Variants in RYR1 observed in about 807,000 individuals in gnomAD.
RYR1 encodes central core disease of muscle.
RYR1 carries 342 observed loss-of-function variants against 583.5 expected under a neutral mutation model. That is an observed-to-expected ratio of 0.59 (90% CI 0.54 to 0.64). RYR1 has a LOEUF of 0.64. Among genes scored for constraint, RYR1 ranks in the 30% least tolerant of loss-of-function variants. The pLI is 0.00. For missense variants in RYR1, 6,032 were observed against 6,917.2 expected (o/e 0.87, Z 4.54); for synonymous variants, 2,791 against 2,822.5 (o/e 0.99, Z 0.35).
intron 27 of RYR1, among the ~76,000 whole-genome samples, chr19:38,473,013 C>T (rs1301569239): frequency 7.2e-6 from 1 of 138,492 alleles, no homozygotes; most frequent in African/African-American, 3.0e-5. Flanking sequence ...AAGACTGTGT[C>T]TCAAAAAAAA....
At chr19:38,473,053 G>A (rs1043696903) in intron 27 of RYR1, among the ~76,000 whole-genome samples, 12 of 151,848 alleles carry the variant, frequency 7.9e-5, no homozygotes, top group Non-Finnish European at 1.2e-4. Flanking sequence ...GAGCTGCCTG[G>A]TTACTGGTTA....
chr19:38,549,875 T>G (rs931307368), intron 89 of RYR1, among the ~76,000 whole-genome samples: 4 of 122,186 alleles, frequency 3.3e-5, no homozygotes, highest in Non-Finnish European at 6.7e-5. Context: ...CCAGCTAAAT[T>G]TGTGTGTGTG....
chr19:38,528,038 G>C, intron 73 of RYR1: 1 of 618,320 alleles, frequency 1.6e-6, no homozygotes. Flanking sequence ...GAGATGCGTT[G>C]AGTTTGTGGG....
chr19:38,517,828 C>T, intron 66 of RYR1, 137 bp downstream of exon 66: 1 of 814,624 alleles, frequency 1.2e-6, no homozygotes, highest in Non-Finnish European at 2.0e-6. Context: ...CATCAAAAGA[C>T]CAGGGGTCAG....
intron 67 of RYR1, among the ~76,000 whole-genome samples, chr19:38,522,337 C>A (rs1482625122): frequency 6.6e-6 from 1 of 152,134 alleles, no homozygotes; most frequent in Non-Finnish European, 1.5e-5. Context: ...GAAGGTGGCT[C>A]ACACCTGTAA....
In RYR1 at chr19:38,443,752, C is replaced by T. The variant is rs755938312; in HGVS notation, c.380C>T (p.Thr127Ile). 27 of 1,614,044 alleles carry T rather than the reference C, an allele frequency of 1.7e-5. No homozygotes were observed. The highest frequency in any genetic ancestry group is 2.3e-5 in the Non-Finnish European group (27 of 1,180,020). The change falls in exon 5 of 106, where the codon ACT becomes ATT. Residue 127 changes from threonine to isoleucine, a missense_variant. Physicochemically the swap from Thr to Ile is moderately conservative, Grantham distance 89 (BLOSUM62 -1). This residue lies in a region of RYR1 where 338 missense variants were observed against 441.6 expected (regional missense o/e 0.77). Transcript: ENST00000359596. ...TGCCTCACCACCTCCCGCTCCATGA[C>T]TGACAAGCTGGCCTTCGATGTGGGA... ...LSCLTTSRSM[T>I]DKLAFDVGLQ...
chr19:38,585,386 ATG>A (rs1974432371), intron 102 of RYR1, among the ~76,000 whole-genome samples: 1 of 145,926 alleles, frequency 6.9e-6, no homozygotes, highest in African/African-American at 2.5e-5. Context: ...ATATATATAT[ATG>A]TTTATTTATA....
rs1314510894 is a variant in RYR1, at chr19:38,528,591, C to T, written c.10938-8C>T. On this transcript the variant is annotated splice_region_variant and splice_polypyrimidine_tract_variant and intron_variant, in intron 74 of 105. Transcript: ENST00000359596. ...GCGTCCCAGTGACGTCACACCTCTC[C>T]CCTGCAGGCACCGGGCATGTAACAT... The T allele has an allele frequency of 3.7e-6, 6 of 1,613,926 alleles. No individual in the cohort carries two copies. The highest frequency in any genetic ancestry group is 4.5e-5 in the East Asian group (2 of 44,890).
Position 38,494,483 on chromosome 19 carries a change from C to T in RYR1, c.6406C>T (p.Arg2136Cys), listed in dbSNP as rs886043937. 3.1e-6 allele frequency: 5 copies of T among 1,613,086 alleles called. No individual in the cohort carries two copies. The highest frequency in any genetic ancestry group is 2.2e-5 in the South Asian group (2 of 91,046). ...RQYDGLGELLRALPRAYTISP... is the reference protein window; with the variant it reads ...RQYDGLGELLCALPRAYTISP... ...GTACGACGGGCTGGGTGAGCTGCTG[C>T]GTGCCCTGCCGCGGGCGTACACCAT... Residue 2136 changes from arginine (R) to cysteine (C), a missense_variant, in exon 39 of 106, where the codon CGT (arginine) becomes TGT (cysteine). Physicochemically the swap from Arg to Cys is radical, Grantham distance 180. This residue lies in a region of RYR1 where 2,627 missense variants were observed against 2,961.3 expected (regional missense o/e 0.89). Coordinates refer to ENST00000359596, the MANE Select transcript of RYR1 (RefSeq NM_000540.3).
In RYR1 at chr19:38,459,035, G is replaced by A. The variant is rs1967585180; in HGVS notation, c.2168-111G>A. 4.8e-5 allele frequency: 45 copies of A among 944,296 alleles called. 1 individual carries two copies. In the South Asian group the frequency reaches 5.5e-4, roughly 12 times the overall value. 58.5% of individuals were successfully genotyped at this position (944,296 alleles called of 1,614,324 possible). A position where few individuals can be genotyped will look rare whatever the true frequency, so the allele number is the denominator to read the frequency against. On this transcript the variant is annotated intron_variant, in intron 18 of 105. Coordinates refer to ENST00000359596, the MANE Select transcript of RYR1 (RefSeq NM_000540.3). ...ATCCAAGGGAGCACTTTCCATTAGG[G>A]TTTCCAGGATGCAATCTCCACAGGA...
chr19:38,565,805 A>T lies in RYR1; in HGVS notation c.13437+34A>T, dbSNP rs1464809267. 2.9e-6 allele frequency: 4 copies of T among 1,372,420 alleles called. No individual in the cohort carries two copies. The highest frequency in any genetic ancestry group is 5.3e-4 in the Middle Eastern group (2 of 3,744). 85.0% of individuals were successfully genotyped at this position (1,372,420 alleles called of 1,614,324 possible). Reference sequence around the variant, plus strand: ...GCAGGCGGGGTTTTGGGGTTTTGGAAAGATGGGGGATTGGAGGGAGGAAGA... The same window carrying T: ...GCAGGCGGGGTTTTGGGGTTTTGGATAGATGGGGGATTGGAGGGAGGAAGA... On this transcript the variant is annotated intron_variant, in intron 91 of 105. Transcript: ENST00000359596. The surrounding 1 kb of genome is among the most constrained non-coding windows in gnomAD (Gnocchi z 4.7).
In RYR1 at chr19:38,483,011, T is replaced by C. The variant is rs1568480750; in HGVS notation, c.4621-16T>C. 2.5e-6 allele frequency: 4 copies of C among 1,612,388 alleles called. No homozygotes were observed. Among genetic ancestry groups the C allele is most frequent in the Non-Finnish European group, 3.4e-6 (4 of 1,178,444 alleles). ...GCCCACCCGTTTGCTCACCTCGTCCTCTTCTCCTCTGCCAGGTGGAACCCA... is the reference window on the plus strand; with the variant it reads ...GCCCACCCGTTTGCTCACCTCGTCCCCTTCTCCTCTGCCAGGTGGAACCCA... On this transcript the variant is annotated splice_polypyrimidine_tract_variant and intron_variant, in intron 31 of 105. Transcript: ENST00000359596. The surrounding 1 kb of genome is among the most constrained non-coding windows in gnomAD (Gnocchi z 6.3).
intron 104 of RYR1, 138 bp from the exon 105 acceptor site, chr19:38,586,387 A>G: frequency 9.0e-7 from 1 of 1,106,884 alleles, no homozygotes; most frequent in Non-Finnish European, 1.4e-6. Context: ...TTGGGAGGCC[A>G]AGTGGGGAGG....
chr19:38,475,860 C>G (rs146359707), intron 29 of RYR1, among the ~76,000 whole-genome samples: 32 of 152,240 alleles, frequency 2.1e-4, no homozygotes, highest in Non-Finnish European at 2.9e-5. Context: ...TCCCCAAATC[C>G]AAAATATTTC....
chr19:38,522,995 C>T (rs1178884148), intron 67 of RYR1, 33 bp from the exon 68 acceptor site: 3 of 1,536,312 alleles, frequency 2.0e-6, no homozygotes, highest in Non-Finnish European at 2.6e-6. Flanking sequence ...GGGATCCCCA[C>T]CCCCTCCCTC....
chr19:38,477,707 C>T lies in RYR1; in HGVS notation c.4294-3C>T. The T allele has an allele frequency of 6.2e-7, 1 of 1,614,118 alleles. No homozygotes were observed. The highest frequency in any genetic ancestry group is 8.5e-7 in the Non-Finnish European group (1 of 1,180,022). On this transcript the variant is annotated splice_polypyrimidine_tract_variant and splice_region_variant and intron_variant, in intron 29 of 105. Transcript: ENST00000359596. ...CCACTAGTTCCCCTCCTTGTGTCACCAGTACTATTACTCCGTGAGGGTCTT... is the reference window on the plus strand; with the variant it reads ...CCACTAGTTCCCCTCCTTGTGTCACTAGTACTATTACTCCGTGAGGGTCTT...
Position 38,506,092 on chromosome 19 carries a change from G to C in RYR1, c.8541+146G>C, listed in dbSNP as rs979126629. 57 of 1,193,412 alleles carry C rather than the reference G, an allele frequency of 4.8e-5. No homozygotes were observed. In the Admixed American group the frequency reaches 1.2e-3, roughly 25 times the overall value. The allele number at this position is 1,193,412 out of a possible 1,614,324, so 73.9% of individuals were successfully genotyped here. A position where few individuals can be genotyped will look rare whatever the true frequency, so the allele number is the denominator to read the frequency against. ...AGGGGTGCAGAAACCTGAGATCTGG[G>C]AAAGGAGAGGGCAGGGGTCTGAAGA... On this transcript the variant is annotated intron_variant, in intron 54 of 105. Coordinates refer to ENST00000359596, the MANE Select transcript of RYR1 (RefSeq NM_000540.3).
At chr19:38,566,791 G>A in intron 91 of RYR1, 120 bp from the exon 92 acceptor site, 5 of 1,521,538 alleles carry the variant, frequency 3.3e-6, no homozygotes, top group Non-Finnish European at 3.6e-6. Flanking sequence ...CTGGTGGAGG[G>A]AAGTGTAAAA....
intron 50 of RYR1, 33 bp downstream of exon 50, chr19:38,504,393 T>C (rs1970344880): frequency 1.2e-6 from 2 of 1,609,276 alleles, no homozygotes; most frequent in East Asian, 2.2e-5. Flanking sequence ...AAATGGCCTA[T>C]GTGGAGGGTT....
Sources: allele counts gnomAD v4.1 joint callset (sites outside exome capture counted in the v4.1 genomes callset), GRCh38; gene constraint gnomAD v4.1.1; regional missense constraint gnomAD v4.1.1; non-coding constraint Gnocchi (gnomAD v3.1); transcripts MANE v1.5; gene names NCBI Gene and HGNC (gene_info 2026-07-23, HGNC 2026-07-21).